SPMAP2L: variants seen among roughly 807,000 people sequenced by gnomAD.
The protein encoded by SPMAP2L is sperm microtubule associated protein 2-like.
the SPMAP2L span, among the ~76,000 whole-genome samples, chr4:56,578,098 T>C: frequency 6.6e-6 from 1 of 152,238 alleles, no homozygotes; most frequent in East Asian, 1.9e-4. Context: ...TACATTAAAA[T>C]GTAAATATGT....
At chr4:56,541,055 G>A in the SPMAP2L span, among the ~76,000 whole-genome samples, 5 of 152,182 alleles carry the variant, frequency 3.3e-5, no homozygotes, top group South Asian at 2.1e-4. Context: ...TTTCGGTTAC[G>A]TCATAGCTGT....
the SPMAP2L span, among the ~76,000 whole-genome samples, chr4:56,548,207 A>G: frequency 6.6e-6 from 1 of 150,728 alleles, no homozygotes; most frequent in South Asian, 2.1e-4. Context: ...CATTGTTTTG[A>G]TTATAAGCAA....
chr4:56,588,139 G>A, the SPMAP2L span, among the ~76,000 whole-genome samples: 2 of 152,262 alleles, frequency 1.3e-5, no homozygotes, highest in East Asian at 3.9e-4. Context: ...GTCTGTTCAT[G>A]TCCTTAGCCC....
At chr4:56,555,159 G>A in the SPMAP2L span, among the ~76,000 whole-genome samples, 11 of 151,866 alleles carry the variant, frequency 7.2e-5, no homozygotes, top group African/African-American at 1.7e-4. Flanking sequence ...GGCTGGTCTC[G>A]AACTCCTGAC....
the SPMAP2L span, among the ~76,000 whole-genome samples, chr4:56,583,544 A>G: frequency 6.6e-6 from 1 of 152,136 alleles, no homozygotes. Context: ...TTTATTTGAG[A>G]AAAAAAATTT....
the SPMAP2L span, chr4:56,594,664 G>A: frequency 4.5e-6 from 6 of 1,320,226 alleles, no homozygotes; most frequent in African/African-American, 8.7e-5. Context: ...AGCCTGTGGA[G>A]GTGGATAAAT....
chr4:56,551,763 C>T, the SPMAP2L span, among the ~76,000 whole-genome samples: 47 of 152,288 alleles, frequency 3.1e-4, no homozygotes, highest in Non-Finnish European at 6.2e-4. Flanking sequence ...AGACACAGAA[C>T]TCTCAATGAC....
chr4:56,593,312 T>C, the SPMAP2L span: 2 of 1,162,944 alleles, frequency 1.7e-6, no homozygotes, highest in South Asian at 2.4e-5. Flanking sequence ...AGGAAATTTT[T>C]TGTTGACCCC....
At chr4:56,547,853 C>A in the SPMAP2L span, among the ~76,000 whole-genome samples, 263 of 152,260 alleles carry the variant, frequency 1.7e-3, no homozygotes, top group Middle Eastern at 3.4e-3. Context: ...CAAAAAAACC[C>A]AGCTTATAAA....
the SPMAP2L span, among the ~76,000 whole-genome samples, chr4:56,571,235 A>G: frequency 6.6e-6 from 1 of 151,926 alleles, no homozygotes; most frequent in African/African-American, 2.4e-5. Context: ...TATCCTTATT[A>G]TCATTTTTTA....
At chr4:56,548,920 T>C in the SPMAP2L span, 2 of 767,370 alleles carry the variant, frequency 2.6e-6, no homozygotes, top group Non-Finnish European at 3.6e-6. Context: ...TACCTTGGGG[T>C]TTTCAAAAAG....
the SPMAP2L span, among the ~76,000 whole-genome samples, chr4:56,555,961 A>G: frequency 6.6e-6 from 1 of 152,216 alleles, no homozygotes; most frequent in Non-Finnish European, 1.5e-5. Context: ...GTTAATGAAT[A>G]TTATTAGAAC....
At chr4:56,544,311 T>A in the SPMAP2L span, among the ~76,000 whole-genome samples, 1 of 152,116 alleles carries the variant, frequency 6.6e-6, no homozygotes, top group Non-Finnish European at 1.5e-5. Context: ...CCTTGCCCAG[T>A]TCTTTGTTGA....
chr4:56,566,677 CTTT>C, the SPMAP2L span, among the ~76,000 whole-genome samples: 1 of 120,454 alleles, frequency 8.3e-6, no homozygotes, highest in Non-Finnish European at 1.7e-5. Context: ...ATGTAAGATT[CTTT>C]TTCTTTTTCT....
chr4:56,563,491 T>C, the SPMAP2L span, among the ~76,000 whole-genome samples: 90 of 152,170 alleles, frequency 5.9e-4, 1 homozygote, highest in Admixed American at 5.6e-3. Flanking sequence ...GTTAGCTCTC[T>C]GAGGAAAGAC....
the SPMAP2L span, chr4:56,594,065 A>G: frequency 6.2e-7 from 1 of 1,610,228 alleles, no homozygotes; most frequent in Non-Finnish European, 8.5e-7. Flanking sequence ...CACACTTGGT[A>G]TTTCTCTTGA....
the SPMAP2L span, among the ~76,000 whole-genome samples, chr4:56,614,729 G>A: frequency 3.3e-4 from 51 of 152,254 alleles, no homozygotes; most frequent in Middle Eastern, 6.8e-3. Flanking sequence ...AAACACTTCT[G>A]AGTACAGGCA....
At chr4:56,584,659 T>G in the SPMAP2L span, 1 of 1,228,606 alleles carries the variant, frequency 8.1e-7, no homozygotes, top group Non-Finnish European at 1.2e-6. Context: ...ACTTGTAACA[T>G]GCTGCCTACC....
the SPMAP2L span, chr4:56,600,816 G>A: frequency 1.3e-5 from 13 of 1,021,904 alleles, no homozygotes; most frequent in South Asian, 6.8e-5. Context: ...GACCAGTTAC[G>A]AGTCTGTTGC....
Sources: gnomAD v4.1 joint callset for allele counts (sites outside exome capture counted in the v4.1 genomes callset) on GRCh38, gnomAD v4.1.1 for gene constraint, MANE v1.5 for transcripts, NCBI Gene and HGNC (gene_info 2026-07-23, HGNC 2026-07-21) for gene names.